The following COMMD1 variants were observed in gnomAD, a reference collection of about 807,000 sequenced individuals.
COMMD1 encodes the protein COMM domain-containing protein 1.
COMMD1 carries 10 observed loss-of-function variants against 17.2 expected under a neutral mutation model. That is an observed-to-expected ratio of 0.58 (90% CI 0.36 to 0.99). The LOEUF (loss-of-function observed/expected upper bound fraction) is 0.99. Ranked by LOEUF, COMMD1 falls within the 50% of genes least tolerant of loss-of-function variation. The pLI, the probability that COMMD1 is intolerant of heterozygous loss-of-function variation, is 0.01. For missense variants in COMMD1, 270 were observed against 231.8 expected (o/e 1.17, Z -1.07); for synonymous variants, 97 against 91.6 (o/e 1.06, Z -0.34).
At chr2:61,897,549 A>G (rs1388415064) in intron 1 of COMMD1, among the ~76,000 whole-genome samples, 1 of 152,154 alleles carries the variant, frequency 6.6e-6, no homozygotes, top group Non-Finnish European at 1.5e-5. Context: ...GGAGTTTGAC[A>G]CCAGCCTGGC....
At chr2:62,002,355 G>A (rs1415389834) in intron 2 of COMMD1, among the ~76,000 whole-genome samples, 6 of 148,132 alleles carry the variant, frequency 4.1e-5, no homozygotes, top group African/African-American at 1.5e-4. Context: ...GTCAGGCATG[G>A]TGGCAGGCGC....
chr2:62,070,997 C>T (rs1358696150), intron 2 of COMMD1, among the ~76,000 whole-genome samples: 1 of 152,154 alleles, frequency 6.6e-6, no homozygotes, highest in Non-Finnish European at 1.5e-5. Context: ...TGCCATTGCA[C>T]TCCAGCCTGG....
chr2:62,019,485 T>C (rs1669554667), intron 2 of COMMD1, among the ~76,000 whole-genome samples: 2 of 152,024 alleles, frequency 1.3e-5, no homozygotes, highest in Non-Finnish European at 2.9e-5. Context: ...CTAAAAGCTC[T>C]TTTCATAATG....
intron 1 of COMMD1, among the ~76,000 whole-genome samples, chr2:61,985,120 G>A (rs1672070416): frequency 6.6e-6 from 1 of 150,382 alleles, no homozygotes; most frequent in Non-Finnish European, 1.5e-5. Flanking sequence ...GCACGATCTC[G>A]GCTCACTGCA....
intron 1 of COMMD1, among the ~76,000 whole-genome samples, chr2:61,892,343 C>G (rs928291691): frequency 6.6e-6 from 1 of 152,028 alleles, no homozygotes; most frequent in African/African-American, 2.4e-5. Context: ...GAATAGCCCA[C>G]GATGTCCTAG....
chr2:61,924,785 C>G (rs77437953), intron 1 of COMMD1, among the ~76,000 whole-genome samples: 2 of 152,080 alleles, frequency 1.3e-5, no homozygotes, highest in African/African-American at 4.8e-5. Context: ...GATCTCTGAA[C>G]GGAGGCCGAG....
At chr2:62,014,532 C>T (rs1286246849) in intron 2 of COMMD1, among the ~76,000 whole-genome samples, 4 of 120,768 alleles carry the variant, frequency 3.3e-5, no homozygotes, top group Non-Finnish European at 6.6e-5. Flanking sequence ...CAAAATTTTA[C>T]CATTTTAACC....
rs141188542 is a variant in COMMD1, at chr2:61,974,859, A to G, written c.181-25842A>G. The stretch of plus-strand genomic sequence containing the variant: ...GATTAATTGCAATTGATGACCCAAT[A>G]TTGATGTTATTATTAATTAAAGTCC... On this transcript the variant is annotated intron_variant, in intron 1 of 2. Transcript: ENST00000311832. Among the ~76,000 whole-genome samples, 1,104 of 152,022 alleles carry G rather than the reference A, an allele frequency of 7.3e-3. 16 individuals carry two copies. The highest frequency in any genetic ancestry group is 0.025 in the African/African-American group (1,041 of 41,502).
intron 1 of COMMD1, among the ~76,000 whole-genome samples, chr2:61,908,997 C>T (rs569038577): frequency 7.9e-5 from 12 of 152,194 alleles, no homozygotes; most frequent in Admixed American, 2.0e-4. Context: ...GGTGCAATCT[C>T]GGCTCTCCGC....
intron 1 of COMMD1, among the ~76,000 whole-genome samples, chr2:61,942,882 T>C (rs771919666): frequency 6.6e-6 from 1 of 152,102 alleles, no homozygotes; most frequent in Non-Finnish European, 1.5e-5. Flanking sequence ...TCTGGTACCT[T>C]GTGGCCAAAA....
chr2:61,950,946 G>A (rs1671035764), intron 1 of COMMD1, among the ~76,000 whole-genome samples: 1 of 152,192 alleles, frequency 6.6e-6, no homozygotes, highest in Non-Finnish European at 1.5e-5. Context: ...ATCAGGGAAA[G>A]CCAAACTGCA....
In COMMD1 at chr2:62,019,095, T is replaced by C. The variant is rs1462858778; in HGVS notation, c.462+18113T>C. Among the ~76,000 whole-genome samples the C allele has an allele frequency of 4.3e-5, 5 of 117,426 alleles. 1 individual carries two copies. The Admixed American group carries it at 4.6e-4, about 11-fold the overall frequency. The allele number at this position is 117,426 out of a possible 152,430, so 77.0% of individuals were successfully genotyped here. ...CTTTCTCTCTCTCTTTCTTTCTCTC[T>C]CTCTCTTCCCTCCCTCCCTCCCTCC... On this transcript the variant is annotated intron_variant, in intron 2 of 2. Coordinates refer to ENST00000311832, the MANE Select transcript of COMMD1 (RefSeq NM_152516.4).
At chr2:62,010,716 A>G (rs1669253531) in intron 2 of COMMD1, among the ~76,000 whole-genome samples, 1 of 151,926 alleles carries the variant, frequency 6.6e-6, no homozygotes, top group African/African-American at 2.4e-5. Context: ...CCACCATCAA[A>G]TCTTGCTGGG....
chr2:62,121,371 C>CAAAAAAAA (rs55789110), intron 2 of COMMD1, among the ~76,000 whole-genome samples: 4,690 of 47,160 alleles, frequency 0.099, 366 homozygotes, highest in Non-Finnish European at 0.12. Context: ...GACTCTTTCT[C>CAAAAAAAA]AAAAAAAAAA....
At chr2:62,120,653 A>G (rs1479471741) in intron 2 of COMMD1, among the ~76,000 whole-genome samples, 2 of 152,216 alleles carry the variant, frequency 1.3e-5, no homozygotes, top group Non-Finnish European at 2.9e-5. Context: ...TCAAGCCAGA[A>G]CACCTAAAAA....
chr2:62,132,022 G>T (rs554172229), intron 2 of COMMD1, among the ~76,000 whole-genome samples: 21 of 152,128 alleles, frequency 1.4e-4, no homozygotes, highest in Non-Finnish European at 3.1e-4. Flanking sequence ...CTGAGTAGCT[G>T]GGATTACAGG....
chr2:61,927,945 A>G (rs931172797), intron 1 of COMMD1, among the ~76,000 whole-genome samples: 1 of 151,824 alleles, frequency 6.6e-6, no homozygotes, highest in African/African-American at 2.4e-5. Context: ...TTATTTTTTT[A>G]GTAGAGATGG....
intron 2 of COMMD1, among the ~76,000 whole-genome samples, chr2:62,007,292 A>G (rs1439602598): frequency 6.6e-6 from 1 of 152,086 alleles, no homozygotes. Context: ...CACTCCTGTC[A>G]TTTATAAGCA....
intron 1 of COMMD1, among the ~76,000 whole-genome samples, chr2:61,907,554 T>C (rs1377708454): frequency 6.6e-6 from 1 of 152,120 alleles, no homozygotes; most frequent in Admixed American, 6.6e-5. Flanking sequence ...CAACAGCACA[T>C]GTGTAGGTAA....
Sources: gnomAD v4.1 joint callset for allele counts (sites outside exome capture counted in the v4.1 genomes callset) on GRCh38, gnomAD v4.1.1 for gene constraint, MANE v1.5 for transcripts, NCBI Gene and HGNC (gene_info 2026-07-23, HGNC 2026-07-21) for gene names.